Variants in SLC7A2 observed in about 807,000 individuals in gnomAD.
SLC7A2 encodes cationic amino acid transporter 2.
A neutral mutation model predicts 58.9 loss-of-function variants in SLC7A2; 48 were observed. The observed-to-expected ratio is 0.82, with a 90% confidence interval of 0.65 to 1.04. The LOEUF (loss-of-function observed/expected upper bound fraction) is 1.04. SLC7A2 is among the 50% of genes least tolerant of loss of function. SLC7A2 has a pLI of 0.00. For synonymous variants in SLC7A2, 363 were observed against 314.5 expected (o/e 1.15, Z -1.63); for missense variants, 1,029 against 818.8 (o/e 1.26, Z -3.13).
chr8:17,538,965 T>G (rs1585231852), intron 2 of SLC7A2: 1 of 1,568,716 alleles, frequency 6.4e-7, no homozygotes, highest in Non-Finnish European at 8.8e-7. Context: ...TATAGAAGAT[T>G]AAGTTTGAAA....
At chr8:17,510,265 C>T (rs1800550217) in intron 2 of SLC7A2, among the ~76,000 whole-genome samples, 1 of 151,076 alleles carries the variant, frequency 6.6e-6, no homozygotes, top group African/African-American at 2.4e-5. Flanking sequence ...AAAGAGTGAG[C>T]TGGCCTTTTT....
chr8:17,569,348 C>G lies in SLC7A2; in HGVS notation c.*4202C>G, dbSNP rs922142109. 5.3e-5 allele frequency: 8 copies of G among 152,322 alleles called. No homozygotes were observed. Among genetic ancestry groups the G allele is most frequent in the African/African-American group, 1.4e-4 (6 of 41,582 alleles). The allele number at this position is 152,322 out of a possible 1,614,324, so 9.4% of individuals were successfully genotyped here. A position where few individuals can be genotyped will look rare whatever the true frequency, so the allele number is the denominator to read the frequency against. On this transcript the variant is annotated 3_prime_UTR_variant, in exon 13 of 13. Transcript: ENST00000494857. ...ACGTGATTCATGTGAAATTAACTGT[C>G]CTTTTTGCTAGTGCCAAAACAGTGC...
intron 2 of SLC7A2, among the ~76,000 whole-genome samples, chr8:17,520,362 T>C (rs1585201291): frequency 6.6e-6 from 1 of 152,026 alleles, no homozygotes; most frequent in African/African-American, 2.4e-5. Context: ...ATATCATGGC[T>C]GGGTGCAGTG....
At chr8:17,503,091 C>A (rs1255295201) in intron 2 of SLC7A2, among the ~76,000 whole-genome samples, 1 of 151,980 alleles carries the variant, frequency 6.6e-6, no homozygotes, top group Non-Finnish European at 1.5e-5. Context: ...CACTCTGTCA[C>A]CCAGGCTGGA....
intron 2 of SLC7A2, among the ~76,000 whole-genome samples, chr8:17,536,475 G>A (rs1185881776): frequency 2.0e-5 from 3 of 151,816 alleles, no homozygotes; most frequent in Non-Finnish European, 2.9e-5. Context: ...GAGGCAGGAG[G>A]ATCACTTGAA....
Position 17,570,419 on chromosome 8 carries a change from A to G in SLC7A2, c.*5273A>G, listed in dbSNP as rs1297958056. 6.6e-6 allele frequency: 1 copy of G among 152,606 alleles called. No homozygotes were observed. The highest frequency in any genetic ancestry group is 3.2e-3 in the Middle Eastern group (1 of 316). 9.5% of individuals were successfully genotyped at this position (152,606 alleles called of 1,614,324 possible). On this transcript the variant is annotated 3_prime_UTR_variant, in exon 13 of 13. Coordinates refer to ENST00000494857, the MANE Select transcript of SLC7A2 (RefSeq NM_001370338.1). Reference sequence around the variant, plus strand: ...TTTTTAGTAGTAATTTTAAATTTAAATGTTTTAAGTGATCATCAGTGTTCC... The same window carrying G: ...TTTTTAGTAGTAATTTTAAATTTAAGTGTTTTAAGTGATCATCAGTGTTCC...
At chr8:17,507,052 C>T (rs544501591) in intron 2 of SLC7A2, among the ~76,000 whole-genome samples, 16 of 151,098 alleles carry the variant, frequency 1.1e-4, no homozygotes, top group Admixed American at 6.6e-4. Context: ...TCAAGCGATT[C>T]CCCTGCCTCA....
intron 2 of SLC7A2, among the ~76,000 whole-genome samples, chr8:17,528,661 C>G (rs999499454): frequency 4.6e-5 from 7 of 152,160 alleles, no homozygotes; most frequent in African/African-American, 1.7e-4. Context: ...GCCTCCGCCT[C>G]CCAAAGTGCT....
intron 11 of SLC7A2, among the ~76,000 whole-genome samples, chr8:17,562,727 A>T (rs1238694697): frequency 6.6e-6 from 1 of 152,194 alleles, no homozygotes; most frequent in East Asian, 1.9e-4. Flanking sequence ...TCACAATATT[A>T]TTATATATGA....
chr8:17,532,731 A>G (rs1246332668), intron 2 of SLC7A2, among the ~76,000 whole-genome samples: 1 of 152,222 alleles, frequency 6.6e-6, no homozygotes, highest in East Asian at 1.9e-4. Flanking sequence ...AAAGTATTTA[A>G]ATAAAGTGTG....
chr8:17,530,356 T>G (rs893232922), intron 2 of SLC7A2, among the ~76,000 whole-genome samples: 6 of 151,968 alleles, frequency 3.9e-5, no homozygotes, highest in South Asian at 2.1e-4. Flanking sequence ...ATACATGCAG[T>G]TCAGTCAAAA....
At chr8:17,561,421 A>G (rs912535206) in intron 10 of SLC7A2, among the ~76,000 whole-genome samples, 10 of 152,170 alleles carry the variant, frequency 6.6e-5, no homozygotes, top group African/African-American at 2.4e-4. Flanking sequence ...ATTCACTGCC[A>G]TGAGAACAGT....
intron 2 of SLC7A2, among the ~76,000 whole-genome samples, chr8:17,543,099 C>T (rs1801984690): frequency 6.6e-6 from 1 of 152,058 alleles, no homozygotes; most frequent in African/African-American, 2.4e-5. Context: ...GTGTATGCTA[C>T]AGGAAATTGA....
In SLC7A2 at chr8:17,547,788, G is replaced by A. The variant is rs1375005019; in HGVS notation, c.533-890G>A. 1.5e-4 allele frequency among the ~76,000 whole-genome samples: 11 copies of A among 74,974 alleles called. No individual in the cohort carries two copies. In the South Asian group the frequency reaches 4.6e-3, roughly 31 times the overall value. 49.2% of individuals were successfully genotyped at this position (74,974 alleles called of 152,430 possible). ...TATATATTTACTGGCACAAAAGAGT[G>A]TGTGTGTGTGTGTGTGTGTGTGTGT... is the stretch of plus-strand genomic sequence containing the variant. On this transcript the variant is annotated intron_variant, in intron 4 of 12. Coordinates refer to ENST00000494857, the MANE Select transcript of SLC7A2 (RefSeq NM_001370338.1).
At chr8:17,521,762 C>T (rs956516720) in intron 2 of SLC7A2, among the ~76,000 whole-genome samples, 2 of 152,170 alleles carry the variant, frequency 1.3e-5, no homozygotes, top group African/African-American at 4.8e-5. Flanking sequence ...GTCTTGTGTC[C>T]GTGCCCAGAA....
At chr8:17,534,943 T>A (rs566220582) in intron 2 of SLC7A2, among the ~76,000 whole-genome samples, 1 of 152,264 alleles carries the variant, frequency 6.6e-6, no homozygotes, top group Non-Finnish European at 1.5e-5. Flanking sequence ...CACCTGTATC[T>A]CTTTACCCCA....
At position 17,567,001 on chromosome 8, in the gene SLC7A2, A is replaced by G. The variant is rs1283909474; in HGVS notation, c.*1855A>G. On this transcript the variant is annotated 3_prime_UTR_variant, in exon 13 of 13. Coordinates refer to ENST00000494857, the MANE Select transcript of SLC7A2 (RefSeq NM_001370338.1). ...AGGAGTTTATTGTGATTAAACATCAAAGAAACAGGTAGAAAGCCTGGGTTT... is the reference window on the plus strand; with the variant it reads ...AGGAGTTTATTGTGATTAAACATCAGAGAAACAGGTAGAAAGCCTGGGTTT... The G allele has an allele frequency of 6.6e-6, 1 of 152,640 alleles. No individual in the cohort carries two copies. The highest frequency in any genetic ancestry group is 1.5e-5 in the Non-Finnish European group (1 of 68,032). 9.5% of individuals were successfully genotyped at this position (152,640 alleles called of 1,614,324 possible).
At chr8:17,509,603 A>G (rs142010226) in intron 2 of SLC7A2, among the ~76,000 whole-genome samples, 150,403 of 152,248 alleles carry the variant, frequency 0.99, 74,305 homozygotes, top group East Asian at 1. Flanking sequence ...ACCACGCCCA[A>G]CAATTTCTTT....
Position 17,563,634 on chromosome 8 carries a change from G to A in SLC7A2, c.1703G>A (p.Ser568Asn), listed in dbSNP as rs753785024. 2 of 1,613,008 alleles carry A rather than the reference G, an allele frequency of 1.2e-6. No homozygotes were observed. Among genetic ancestry groups the A allele is most frequent in the Admixed American group, 3.3e-5 (2 of 59,922 alleles). ...VPFLPFLPAF[S>N]ILVNIYLMVQ... ...TTCTTACCATTTTTGCCAGCGTTCA[G>A]CATCTTGGTGAACATTTACTTGATG... is the stretch of plus-strand genomic sequence containing the variant. Residue 568 changes from serine to asparagine, a missense_variant, in exon 12 of 13, where the codon AGC (serine) becomes AAC (asparagine). Coordinates refer to ENST00000494857, the MANE Select transcript of SLC7A2 (RefSeq NM_001370338.1).
Sources: allele counts gnomAD v4.1 joint callset (sites outside exome capture counted in the v4.1 genomes callset), GRCh38; gene constraint gnomAD v4.1.1; transcripts MANE v1.5; gene names NCBI Gene and HGNC (gene_info 2026-07-23, HGNC 2026-07-21).